The following ABLIM1 variants were observed in gnomAD, a reference collection of about 807,000 sequenced individuals.
ABLIM1 encodes the protein actin-binding LIM protein 1.
Under a neutral mutation model 107.0 loss-of-function variants are expected in ABLIM1, and 40 were observed. The observed-to-expected ratio is 0.37, with a 90% confidence interval of 0.29 to 0.49. The LOEUF (loss-of-function observed/expected upper bound fraction) is 0.49. ABLIM1 is among the 20% of genes least tolerant of loss of function. The pLI is 0.97. For synonymous variants in ABLIM1, 357 were observed against 357.3 expected (o/e 1.00, Z 0.01); for missense variants, 857 against 1,008.5 (o/e 0.85, Z 2.04).
At chr10:114,781,664 G>GTGTA in the ABLIM1 span, among the ~76,000 whole-genome samples, 26 of 143,356 alleles carry the variant, frequency 1.8e-4, no homozygotes, top group African/African-American at 5.9e-4. Context: ...ATATATGCGT[G>GTGTA]TATATATATA....
intron 1 of ABLIM1, among the ~76,000 whole-genome samples, chr10:114,680,837 G>T (rs1464647243): frequency 6.6e-6 from 1 of 152,202 alleles, no homozygotes; most frequent in East Asian, 1.9e-4. Flanking sequence ...CATTCTAAAT[G>T]ACAGAGATTT....
At chr10:114,787,931 G>A in the ABLIM1 span, among the ~76,000 whole-genome samples, 18 of 144,896 alleles carry the variant, frequency 1.2e-4, no homozygotes, top group Non-Finnish European at 2.6e-4. Context: ...GATGGTTGCC[G>A]TGTCTGTGTA....
At chr10:114,548,874 AC>A (rs929702479) in intron 4 of ABLIM1, among the ~76,000 whole-genome samples, 27 of 152,314 alleles carry the variant, frequency 1.8e-4, no homozygotes, top group African/African-American at 6.3e-4. Flanking sequence ...CCAGGTTTGG[AC>A]CAAGACAGAG....
At chr10:114,769,386 CAAGA>C (rs1484987216), upstream of ABLIM1, among the ~76,000 whole-genome samples, 430 of 98,026 alleles carry the variant, frequency 4.4e-3, 2 homozygotes, top group African/African-American at 0.016. Flanking sequence ...AAGAGACAGA[CAAGA>C]AAGAAAGAAA....
At chr10:114,742,304 T>C (rs1206067652) in intron 1 of ABLIM1, among the ~76,000 whole-genome samples, 1 of 152,150 alleles carries the variant, frequency 6.6e-6, no homozygotes, top group African/African-American at 2.4e-5. Context: ...GTAAACATTA[T>C]AAAAGCAGTT....
chr10:114,530,870 G>T (rs2065377998), intron 6 of ABLIM1, among the ~76,000 whole-genome samples: 2 of 152,190 alleles, frequency 1.3e-5, no homozygotes. Context: ...AGAAGTTTAG[G>T]CCTAAAGAGT....
At chr10:114,474,737 T>C (rs761442235) in intron 8 of ABLIM1, among the ~76,000 whole-genome samples, 8 of 152,164 alleles carry the variant, frequency 5.3e-5, no homozygotes, top group Admixed American at 2.0e-4. Flanking sequence ...GTCTCCAGCA[T>C]TGATATAGTT....
chr10:114,466,519 A>G (rs973992100), intron 11 of ABLIM1, among the ~76,000 whole-genome samples: 2 of 152,146 alleles, frequency 1.3e-5, no homozygotes, highest in African/African-American at 4.8e-5. Flanking sequence ...ACATGGTTCC[A>G]AGCTGGTAAG....
At chr10:114,628,513 G>A (rs2077963960) in intron 1 of ABLIM1, among the ~76,000 whole-genome samples, 1 of 152,226 alleles carries the variant, frequency 6.6e-6, no homozygotes, top group Non-Finnish European at 1.5e-5. Flanking sequence ...AATGTCAGGT[G>A]GAAGGTGAAC....
intron 2 of ABLIM1, among the ~76,000 whole-genome samples, chr10:114,576,680 C>T (rs2072616237): frequency 6.6e-6 from 1 of 152,180 alleles, no homozygotes; most frequent in Non-Finnish European, 1.5e-5. Context: ...CCCCCACCTT[C>T]AGTCAGGACT....
At chr10:114,494,891 G>A (rs754408733) in intron 6 of ABLIM1, among the ~76,000 whole-genome samples, 2 of 152,134 alleles carry the variant, frequency 1.3e-5, no homozygotes, top group Non-Finnish European at 2.9e-5. Context: ...CTTACCCCAC[G>A]CAGTTGATGA....
chr10:114,469,940 C>T (rs2133852363), intron 10 of ABLIM1, among the ~76,000 whole-genome samples: 1 of 152,294 alleles, frequency 6.6e-6, no homozygotes, highest in East Asian at 1.9e-4. Flanking sequence ...GGCGGACTGT[C>T]TGTATTCTAA....
chr10:114,798,559 C>T, the ABLIM1 span, among the ~76,000 whole-genome samples: 8 of 141,878 alleles, frequency 5.6e-5, no homozygotes, highest in East Asian at 1.4e-3. Flanking sequence ...TGATGAGACC[C>T]CCCCCCCATG....
Position 114,746,579 on chromosome 10 carries a change from TC to T in ABLIM1, c.-213+21481del, listed in dbSNP as rs544222997. Among the ~76,000 whole-genome samples, 18 of 152,344 alleles carry T rather than the reference TC, an allele frequency of 1.2e-4. No individual in the cohort carries two copies. In the South Asian group the frequency reaches 3.7e-3, roughly 32 times the overall value. ...AGGCTATTTCTTTGACATAGCGATT[TC>T]AAATCTTTTTGGTTCATATGGTAAT... is the stretch of plus-strand genomic sequence containing the variant. On this transcript the variant is annotated intron_variant, in intron 1 of 15. Transcript: ENST00000651092.
chr10:114,668,290 GT>G (rs2080108680), intron 1 of ABLIM1, among the ~76,000 whole-genome samples: 1 of 152,166 alleles, frequency 6.6e-6, no homozygotes, highest in African/African-American at 2.4e-5. Flanking sequence ...GACAAGTGGA[GT>G]GAGACAGGGA....
At chr10:114,756,245 T>G (rs2082627823) in intron 1 of ABLIM1, among the ~76,000 whole-genome samples, 1 of 152,172 alleles carries the variant, frequency 6.6e-6, no homozygotes, top group African/African-American at 2.4e-5. Flanking sequence ...CTATGCACAT[T>G]TGTTCACTAT....
chr10:114,744,610 C>T (rs972182607), intron 1 of ABLIM1, among the ~76,000 whole-genome samples: 2 of 152,072 alleles, frequency 1.3e-5, no homozygotes, highest in African/African-American at 4.8e-5. Context: ...CATGCCACTG[C>T]ACTCCAGCCT....
At chr10:114,502,187 C>T in intron 6 of ABLIM1, 1 of 173,258 alleles carries the variant, frequency 5.8e-6, no homozygotes, top group Non-Finnish European at 1.3e-5. Context: ...AAACATCATC[C>T]TCTCATTAGT....
At chr10:114,458,027 T>C (rs2063155928) in intron 12 of ABLIM1, among the ~76,000 whole-genome samples, 1 of 152,028 alleles carries the variant, frequency 6.6e-6, no homozygotes, top group Non-Finnish European at 1.5e-5. Context: ...GAGCCGAAAT[T>C]GCACCACTGC....
Sources: gnomAD v4.1 joint callset for allele counts (sites outside exome capture counted in the v4.1 genomes callset) on GRCh38, gnomAD v4.1.1 for gene constraint, MANE v1.5 for transcripts, NCBI Gene and HGNC (gene_info 2026-07-23, HGNC 2026-07-21) for gene names.